Variants in SPMIP7 observed in about 807,000 individuals in gnomAD.
SPMIP7 encodes the protein sperm microtubule inner protein 7.
chr7:50,129,907 C>T, the SPMIP7 span: 3 of 668,930 alleles, frequency 4.5e-6, no homozygotes, highest in Non-Finnish European at 7.8e-6. Context: ...CAGAGGACAT[C>T]AAACGCAGAC....
the SPMIP7 span, among the ~76,000 whole-genome samples, chr7:50,116,954 A>G: frequency 1.3e-5 from 2 of 152,214 alleles, no homozygotes; most frequent in African/African-American, 4.8e-5. Flanking sequence ...GCCTGAGAGA[A>G]TAAAAACTAC....
chr7:50,155,195 A>G, the SPMIP7 span, among the ~76,000 whole-genome samples: 27 of 152,302 alleles, frequency 1.8e-4, no homozygotes, highest in African/African-American at 6.3e-4. Flanking sequence ...TTAGTTTGAC[A>G]TAGTCATATT....
chr7:50,131,469 C>T, the SPMIP7 span, among the ~76,000 whole-genome samples: 1 of 152,050 alleles, frequency 6.6e-6, no homozygotes, highest in Non-Finnish European at 1.5e-5. Context: ...AGGCCTGGGC[C>T]AGAGAAATCA....
At chr7:50,159,091 TC>T in the SPMIP7 span, 2 of 1,551,802 alleles carry the variant, frequency 1.3e-6, no homozygotes, top group East Asian at 4.9e-5. Context: ...GTCACCAGGC[TC>T]CCCTGTCTCG....
chr7:50,108,956 A>G, the SPMIP7 span, among the ~76,000 whole-genome samples: 1 of 152,196 alleles, frequency 6.6e-6, no homozygotes, highest in Non-Finnish European at 1.5e-5. Context: ...GACAGGTCAT[A>G]TCATAGCTGC....
At chr7:50,110,650 TATA>T in the SPMIP7 span, among the ~76,000 whole-genome samples, 5 of 137,664 alleles carry the variant, frequency 3.6e-5, no homozygotes, top group Non-Finnish European at 7.6e-5. Context: ...AAATATATTA[TATA>T]ATGTGTGTAC....
chr7:50,147,049 C>A, the SPMIP7 span, among the ~76,000 whole-genome samples: 1 of 152,204 alleles, frequency 6.6e-6, no homozygotes, highest in Non-Finnish European at 1.5e-5. Context: ...CTCACACCCC[C>A]CTCCCTTATG....
At chr7:50,156,395 C>T in the SPMIP7 span, among the ~76,000 whole-genome samples, 1 of 152,210 alleles carries the variant, frequency 6.6e-6, no homozygotes, top group South Asian at 2.1e-4. Context: ...GTCATCTTCA[C>T]ACGGGCATCC....
chr7:50,158,581 A>C, the SPMIP7 span, among the ~76,000 whole-genome samples: 2 of 141,808 alleles, frequency 1.4e-5, no homozygotes, highest in African/African-American at 5.4e-5. Context: ...CCCCCTATCC[A>C]TGTCACCCAT....
At chr7:50,115,327 T>A in the SPMIP7 span, among the ~76,000 whole-genome samples, 1 of 152,102 alleles carries the variant, frequency 6.6e-6, no homozygotes, top group Non-Finnish European at 1.5e-5. Flanking sequence ...CACAAACTTA[T>A]AGGACTGAAA....
chr7:50,129,459 A>T, the SPMIP7 span, among the ~76,000 whole-genome samples: 2 of 152,058 alleles, frequency 1.3e-5, no homozygotes, highest in Non-Finnish European at 2.9e-5. Flanking sequence ...TTCCAATTCA[A>T]GAGCTTTCTC....
chr7:50,114,662 A>T, the SPMIP7 span, among the ~76,000 whole-genome samples: 1 of 152,190 alleles, frequency 6.6e-6, no homozygotes, highest in African/African-American at 2.4e-5. Context: ...AACAGATTTA[A>T]ACTAAATTAT....
the SPMIP7 span, among the ~76,000 whole-genome samples, chr7:50,138,380 A>G: frequency 6.6e-6 from 1 of 152,224 alleles, no homozygotes; most frequent in Non-Finnish European, 1.5e-5. Flanking sequence ...AAATGTAACT[A>G]TGTATTTTTC....
the SPMIP7 span, chr7:50,104,340 C>T: frequency 6.5e-7 from 1 of 1,537,446 alleles, no homozygotes; most frequent in Non-Finnish European, 8.8e-7. Context: ...GAAAGTTACT[C>T]CCTTACAACC....
chr7:50,137,184 T>C, the SPMIP7 span, among the ~76,000 whole-genome samples: 33 of 152,222 alleles, frequency 2.2e-4, no homozygotes, highest in African/African-American at 7.5e-4. Flanking sequence ...ATATGAAAAA[T>C]TACATATGAG....
chr7:50,134,535 G>C, the SPMIP7 span, among the ~76,000 whole-genome samples: 3 of 152,284 alleles, frequency 2.0e-5, no homozygotes, highest in South Asian at 6.2e-4. Context: ...TGCAATGACT[G>C]TGTTTATTTT....
At chr7:50,111,955 C>T in the SPMIP7 span, among the ~76,000 whole-genome samples, 1,412 of 152,206 alleles carry the variant, frequency 9.3e-3, 15 homozygotes, top group Non-Finnish European at 0.014. Context: ...AACTATTTAG[C>T]AGTAAATGAA....
At chr7:50,129,257 AT>A in the SPMIP7 span, among the ~76,000 whole-genome samples, 1 of 152,148 alleles carries the variant, frequency 6.6e-6, no homozygotes, top group African/African-American at 2.4e-5. Context: ...GTAAAATATC[AT>A]TGAAAATTGA....
At chr7:50,106,463 G>C in the SPMIP7 span, among the ~76,000 whole-genome samples, 1 of 152,164 alleles carries the variant, frequency 6.6e-6, no homozygotes, top group African/African-American at 2.4e-5. Context: ...AAGTAAATAA[G>C]AAAACTTCAA....
Sources: allele counts gnomAD v4.1 joint callset (sites outside exome capture counted in the v4.1 genomes callset), GRCh38; gene constraint gnomAD v4.1.1; transcripts MANE v1.5; gene names NCBI Gene and HGNC (gene_info 2026-07-23, HGNC 2026-07-21).